The following LAD1 variants were observed in gnomAD, a reference collection of about 807,000 sequenced individuals.
LAD1 encodes the protein ladinin 1.
LAD1 carries 53 observed loss-of-function variants against 54.2 expected under a neutral mutation model. That is an observed-to-expected ratio of 0.98 (90% CI 0.78 to 1.23). LAD1 has a LOEUF of 1.23. Ranked by LOEUF, LAD1 falls within the 50% of genes most tolerant of loss-of-function variation. The pLI, the probability that LAD1 is intolerant of heterozygous loss-of-function variation, is 0.00. For synonymous variants in LAD1, 231 were observed against 257.7 expected, an observed-to-expected ratio of 0.90 and a Z score of 0.99; for missense variants, 637 against 653.3, an observed-to-expected ratio of 0.98 and a Z score of 0.27.
chr1:201,383,484 C>G, intron 5 of LAD1, 95 bp from the exon 6 acceptor site: 1 of 1,149,576 alleles, frequency 8.7e-7, no homozygotes, highest in Non-Finnish European at 1.3e-6. Flanking sequence ...ATCACACGTT[C>G]TCATTGTGGC....
At chr1:201,391,213 C>T (rs777633699) in intron 1 of LAD1, 4 of 448,176 alleles carry the variant, frequency 8.9e-6, no homozygotes, top group African/African-American at 4.0e-5. Flanking sequence ...AAAATCCAGA[C>T]AACTTTCACT....
chr1:201,395,619 G>A (rs1322991771), intron 1 of LAD1, among the ~76,000 whole-genome samples: 2 of 152,088 alleles, frequency 1.3e-5, no homozygotes, highest in South Asian at 2.1e-4. Flanking sequence ...AGCTGGGTCC[G>A]TGGTGGCGGG....
chr1:201,382,409 C>T, intron 8 of LAD1, 83 bp from the exon 9 acceptor site: 1 of 1,109,022 alleles, frequency 9.0e-7, no homozygotes, highest in Non-Finnish European at 1.4e-6. Context: ...AGCTCCCAGC[C>T]CAGGATGTCC....
At chr1:201,384,960 G>T in intron 4 of LAD1, 125 bp from the exon 5 acceptor site, 1 of 834,778 alleles carries the variant, frequency 1.2e-6, no homozygotes. Flanking sequence ...CCTTCTACCA[G>T]GGGTCAACCC....
In LAD1 at chr1:201,387,040, G is replaced by T; in HGVS notation, c.321C>A (p.Ala107=). 1 of 1,612,304 alleles carries T rather than the reference G, an allele frequency of 6.2e-7. No homozygotes were observed. The highest frequency in any genetic ancestry group is 8.5e-7 in the Non-Finnish European group (1 of 1,179,266). ...CTGCCTCCAGCCTCTCCTGGATGGG[G>T]GCCTGTGCAGCCTCCACCACCTGCC... ...QRRQVVEAAQ[A]PIQERLEAEE... is the part of the protein sequence containing the mutation. The change falls in exon 3 of 10, where the codon GCC becomes GCA. Residue 107 remains alanine (A), a synonymous_variant. Coordinates refer to ENST00000391967, the MANE Select transcript of LAD1 (RefSeq NM_005558.4).
Position 201,384,784 on chromosome 1 carries a change from C to T in LAD1, c.1175+8G>A. ...AATAGAAAGAACCAGAGCCTCCAGG[C>T]CCCCCACCTGCGAGTTAGGGTTGTT... On this transcript the variant is annotated splice_region_variant and intron_variant, in intron 5 of 9. Coordinates refer to ENST00000391967, the MANE Select transcript of LAD1 (RefSeq NM_005558.4). 2.5e-6 allele frequency: 4 copies of T among 1,613,444 alleles called. No homozygotes were observed. The highest frequency in any genetic ancestry group is 1.7e-5 in the Admixed American group (1 of 60,018).
chr1:201,382,741 T>A lies in LAD1; in HGVS notation c.1387-2A>T. The A allele has an allele frequency of 6.3e-7, 1 of 1,592,960 alleles. No individual in the cohort carries two copies. Among genetic ancestry groups the A allele is most frequent in the Non-Finnish European group, 8.6e-7 (1 of 1,168,954 alleles). ...AACCCCTGAGAGCCTCAAGTTCTCCTAAAAAGAGAACTTTCCATCTCAGGG... is the reference window on the plus strand; with the variant it reads ...AACCCCTGAGAGCCTCAAGTTCTCCAAAAAAGAGAACTTTCCATCTCAGGG... On this transcript the variant is annotated splice_acceptor_variant, in intron 7 of 9. Transcript: ENST00000391967. LOFTEE classifies it high-confidence loss of function.
intron 4 of LAD1, among the ~76,000 whole-genome samples, chr1:201,385,247 C>A (rs1662050044): frequency 6.6e-6 from 1 of 152,198 alleles, no homozygotes; most frequent in African/African-American, 2.4e-5. Flanking sequence ...CAAGAATAAA[C>A]ACCAGGACAA....
intron 2 of LAD1, 129 bp downstream of exon 2, chr1:201,389,031 G>T (rs1031877255): frequency 9.0e-7 from 1 of 1,113,730 alleles, no homozygotes; most frequent in Non-Finnish European, 1.3e-6. Context: ...TGGGGAACTG[G>T]AAATTCATCA....
In LAD1 at chr1:201,396,290, C is replaced by T. The variant is rs1451121885; in HGVS notation, c.38+2979G>A. 2.0e-5 allele frequency among the ~76,000 whole-genome samples: 3 copies of T among 152,132 alleles called. No homozygotes were observed. In the East Asian group the frequency reaches 5.8e-4, roughly 29 times the overall value. On this transcript the variant is annotated intron_variant, in intron 1 of 9. Coordinates refer to ENST00000391967, the MANE Select transcript of LAD1 (RefSeq NM_005558.4). ...TCCCTCTCGGTGTCTCCATGTAATG[C>T]TGCTATCCTCCTCCCCACTCCAGAC... is the stretch of plus-strand genomic sequence containing the variant.
In LAD1 at chr1:201,381,208, C is replaced by G. The variant is rs1179118032; in HGVS notation, c.*680G>C. 1 of 156,164 alleles carries G rather than the reference C, an allele frequency of 6.4e-6. No individual in the cohort carries two copies. Among genetic ancestry groups the G allele is most frequent in the East Asian group, 1.9e-4 (1 of 5,202 alleles). 9.7% of individuals were successfully genotyped at this position (156,164 alleles called of 1,614,324 possible). A position where few individuals can be genotyped will look rare whatever the true frequency, so the allele number is the denominator to read the frequency against. ...AATTCGCTTCTAAGGTCTCATCAGT[C>G]TCTTACACCTGAGAGTAAATGAGTT... On this transcript the variant is annotated 3_prime_UTR_variant, in exon 10 of 10. Transcript: ENST00000391967.
chr1:201,383,581 CT>C, intron 5 of LAD1, 192 bp from the exon 6 acceptor site: 1 of 632,744 alleles, frequency 1.6e-6, no homozygotes, highest in East Asian at 2.8e-5. Flanking sequence ...TTTCCCTCCA[CT>C]TCCAAGAAAC....
At position 201,386,687 on chromosome 1, in the gene LAD1, T is replaced by C. The variant is rs565667950; in HGVS notation, c.674A>G (p.Asn225Ser). 1.2e-5 allele frequency: 19 copies of C among 1,614,078 alleles called. No homozygotes were observed. Among genetic ancestry groups the C allele is most frequent in the Admixed American group, 1.7e-5 (1 of 60,004 alleles). The change falls in exon 3 of 10, where the codon AAC (asparagine) becomes AGC (serine). Residue 225 changes from asparagine (N) to serine (S), a missense_variant. Coordinates refer to ENST00000391967, the MANE Select transcript of LAD1 (RefSeq NM_005558.4). ...TAGAACAGACTTCTTCTCTGAGCTG[T>C]TTCTTTTCTCTGACACTGCTATCTT... Reference protein sequence around the residue: ...SEKIAVSEKRNSSEKKSVLEK... With the variant: ...SEKIAVSEKRSSSEKKSVLEK...
intron 1 of LAD1, among the ~76,000 whole-genome samples, chr1:201,391,557 T>C (rs1171518650): frequency 6.6e-6 from 1 of 152,204 alleles, no homozygotes; most frequent in African/African-American, 2.4e-5. Flanking sequence ...GTCTCTGCCC[T>C]GGAGATATTG....
Position 201,382,669 on chromosome 1 carries a change from C to T in LAD1, c.1457G>A (p.Gly486Glu), listed in dbSNP as rs1338977905. Residue 486 changes from glycine to glutamate, a missense_variant, in exon 8 of 10, where the codon GGA becomes GAA. Gly to Glu is a moderately conservative substitution (Grantham distance 98). Transcript: ENST00000391967. ...NLWISRTQES[G>E]DQDPQEAQKA... ...TGAGGATACCTGGGGGTCCTGATCT[C>T]CAGATTCCTGGGTCCTGCTGATCCA... The T allele has an allele frequency of 6.2e-7, 1 of 1,604,766 alleles. No individual in the cohort carries two copies. The highest frequency in any genetic ancestry group is 8.5e-7 in the Non-Finnish European group (1 of 1,175,896).
chr1:201,395,220 C>T (rs2102361003), intron 1 of LAD1, among the ~76,000 whole-genome samples: 1 of 152,246 alleles, frequency 6.6e-6, no homozygotes, highest in South Asian at 2.1e-4. Flanking sequence ...CTCCAATAAG[C>T]ACAAGTTATG....
At chr1:201,393,118 A>G (rs1387692617) in intron 1 of LAD1, among the ~76,000 whole-genome samples, 3 of 152,124 alleles carry the variant, frequency 2.0e-5, no homozygotes, top group East Asian at 1.9e-4. Flanking sequence ...GTTGGGTGGT[A>G]GTGGGGAGGG....
rs1167362208 is a variant in LAD1 at position 201,381,444 on chromosome 1, G to A, written c.*444C>T. Reference sequence around the variant, plus strand: ...GGAGCAGGCCCCAGGGACAAAGATGGGTGGGTCCAGGCCTCAGAGAAGGGG... The same window carrying A: ...GGAGCAGGCCCCAGGGACAAAGATGAGTGGGTCCAGGCCTCAGAGAAGGGG... On this transcript the variant is annotated 3_prime_UTR_variant, in exon 10 of 10. Transcript: ENST00000391967. 9.8e-6 allele frequency: 2 copies of A among 204,786 alleles called. No individual in the cohort carries two copies. Among genetic ancestry groups the A allele is most frequent in the Admixed American group, 1.1e-4 (2 of 18,882 alleles). 12.7% of individuals were successfully genotyped at this position (204,786 alleles called of 1,614,324 possible). A position where few individuals can be genotyped will look rare whatever the true frequency, so the allele number is the denominator to read the frequency against.
At chr1:201,386,269 G>A in intron 3 of LAD1, 66 bp downstream of exon 3, 1 of 1,378,948 alleles carries the variant, frequency 7.3e-7, no homozygotes, top group South Asian at 1.9e-5. Flanking sequence ...CTACCTGGGT[G>A]GGACTGGCCG....
Sources: gnomAD v4.1 joint callset for allele counts (sites outside exome capture counted in the v4.1 genomes callset) on GRCh38, gnomAD v4.1.1 for gene constraint, MANE v1.5 for transcripts, NCBI Gene and HGNC (gene_info 2026-07-23, HGNC 2026-07-21) for gene names.